The following ADI1 variants were observed in gnomAD, a reference collection of about 807,000 sequenced individuals.
ADI1 encodes acireductone dioxygenase.
Under a neutral mutation model 18.7 loss-of-function variants are expected in ADI1, and 21 were observed. The observed-to-expected ratio is 1.13, with a 90% confidence interval of 0.80 to 1.62. ADI1 has a LOEUF of 1.62. Ranked by LOEUF, ADI1 falls within the 40% of genes most tolerant of loss-of-function variation. ADI1 has a pLI of 0.00. For synonymous variants in ADI1, 90 were observed against 100.1 expected (o/e 0.90, Z 0.60); for missense variants, 245 against 254.9 (o/e 0.96, Z 0.26).
intron 2 of ADI1, among the ~76,000 whole-genome samples, chr2:3,502,428 G>T (rs555468058): frequency 2.5e-4 from 36 of 146,522 alleles, no homozygotes; most frequent in African/African-American, 8.2e-4. Flanking sequence ...CACACAGAAA[G>T]AAAAGACAAA....
intron 2 of ADI1, among the ~76,000 whole-genome samples, chr2:3,508,814 G>A (rs1363962442): frequency 6.6e-6 from 1 of 152,050 alleles, no homozygotes; most frequent in Non-Finnish European, 1.5e-5. Flanking sequence ...TGAGATGGGA[G>A]GATCACTTGA....
chr2:3,508,711 G>A (rs1667230604), intron 2 of ADI1, among the ~76,000 whole-genome samples: 1 of 152,058 alleles, frequency 6.6e-6, no homozygotes, highest in South Asian at 2.1e-4. Context: ...AAAGCAGCCT[G>A]GGCAACATAG....
Position 3,514,550 on chromosome 2 carries a change from C to G in ADI1, c.121-574G>C, listed in dbSNP as rs542214270. Among the ~76,000 whole-genome samples the G allele has an allele frequency of 7.9e-5, 12 of 152,332 alleles. No homozygotes were observed. In the South Asian group the frequency reaches 2.5e-3, roughly 32 times the overall value. On this transcript the variant is annotated intron_variant, in intron 1 of 3. Transcript: ENST00000327435. ...TAAACCAAATAGGATGATCGGCTAT[C>G]TTAAAAATATTTGATATTTCACATC...
At chr2:3,518,865 G>C (rs1667488112) in intron 1 of ADI1, among the ~76,000 whole-genome samples, 1 of 152,220 alleles carries the variant, frequency 6.6e-6, no homozygotes, top group Admixed American at 6.5e-5. Flanking sequence ...GACCCTTCAG[G>C]TCGCTGCCAA....
intron 1 of ADI1, chr2:3,517,646 A>G (rs1204905322): frequency 1.3e-5 from 2 of 152,154 alleles, no homozygotes; most frequent in South Asian, 2.1e-4. Context: ...GCACCTTGTA[A>G]TCCCAGCTAC....
chr2:3,499,753 G>C (rs1365392228), intron 3 of ADI1, among the ~76,000 whole-genome samples: 2 of 152,122 alleles, frequency 1.3e-5, no homozygotes, highest in Non-Finnish European at 2.9e-5. Context: ...TCAGGGCTGA[G>C]GCTTGTAGAC....
chr2:3,506,258 TC>T (rs1353033232), intron 2 of ADI1, among the ~76,000 whole-genome samples: 1 of 152,090 alleles, frequency 6.6e-6, no homozygotes, highest in Non-Finnish European at 1.5e-5. Flanking sequence ...GAAATAAAAC[TC>T]CCTTTGCTCG....
chr2:3,519,527 C>A lies in ADI1; in HGVS notation c.-40G>T, dbSNP rs1458251695. 10 of 1,253,534 alleles carry A rather than the reference C, an allele frequency of 8.0e-6. No individual in the cohort carries two copies. Among genetic ancestry groups the A allele is most frequent in the African/African-American group, 1.5e-5 (1 of 64,644 alleles). 77.7% of individuals were successfully genotyped at this position (1,253,534 alleles called of 1,614,324 possible). A position where few individuals can be genotyped will look rare whatever the true frequency, so the allele number is the denominator to read the frequency against. On this transcript the variant is annotated 5_prime_UTR_variant, in exon 1 of 4. Coordinates refer to ENST00000327435, the MANE Select transcript of ADI1 (RefSeq NM_018269.4). ...GTGCCGTGTTCGAACCCAGGGGCCG[C>A]GCTCGGAGCCCGTCGGCCGCGCTTT...
chr2:3,502,756 G>A (rs1258675339), intron 2 of ADI1, among the ~76,000 whole-genome samples: 2 of 152,110 alleles, frequency 1.3e-5, no homozygotes, highest in Admixed American at 1.3e-4. Flanking sequence ...GGCGACAAAC[G>A]GAAATAACTC....
intron 1 of ADI1, chr2:3,516,778 T>G: frequency 1.0e-6 from 1 of 985,438 alleles, no homozygotes; most frequent in Non-Finnish European, 1.2e-6. Context: ...GACAAAAGGT[T>G]TTTTAGAACT....
intron 1 of ADI1, among the ~76,000 whole-genome samples, chr2:3,519,019 A>G (rs1334200671): frequency 6.8e-6 from 1 of 147,416 alleles, no homozygotes; most frequent in Non-Finnish European, 1.5e-5. Flanking sequence ...TGCGCAGCCC[A>G]CCCCAGGCGC....
At chr2:3,502,476 G>T (rs1370209650) in intron 2 of ADI1, among the ~76,000 whole-genome samples, 1 of 138,634 alleles carries the variant, frequency 7.2e-6, no homozygotes, top group Non-Finnish European at 1.5e-5. Flanking sequence ...TTTTGAGACG[G>T]AATTTCACTC....
chr2:3,502,024 CACACACACACACACACACAG>C (rs988415866), intron 2 of ADI1, among the ~76,000 whole-genome samples: 10 of 102,678 alleles, frequency 9.7e-5, no homozygotes, highest in Middle Eastern at 8.9e-3. Flanking sequence ...CACACACACA[CACACACACACACACACACAG>C]AGACAGGGTT....
chr2:3,514,427 A>C (rs1393969221), intron 1 of ADI1, among the ~76,000 whole-genome samples: 1 of 152,218 alleles, frequency 6.6e-6, no homozygotes, highest in Non-Finnish European at 1.5e-5. Flanking sequence ...AACTCAAGTT[A>C]ATTAAACTGG....
At chr2:3,519,308 G>T in intron 1 of ADI1, 60 bp downstream of exon 1, 1 of 1,341,800 alleles carries the variant, frequency 7.5e-7, no homozygotes, top group Non-Finnish European at 9.5e-7. Context: ...AGGCTGGGCT[G>T]TGCGCGGCGT....
At chr2:3,502,001 C>CCACA (rs70938947) in intron 2 of ADI1, among the ~76,000 whole-genome samples, 1,877 of 104,968 alleles carry the variant, frequency 0.018, 22 homozygotes, top group South Asian at 0.053. Context: ...ACCTCCCGCT[C>CCACA]CACACACACA....
At chr2:3,503,334 C>A (rs940153292) in intron 2 of ADI1, among the ~76,000 whole-genome samples, 1 of 150,918 alleles carries the variant, frequency 6.6e-6, no homozygotes, top group Non-Finnish European at 1.5e-5. Context: ...CACATGCACA[C>A]ATACACACGT....
intron 2 of ADI1, among the ~76,000 whole-genome samples, chr2:3,506,400 A>G (rs1196063790): frequency 2.0e-5 from 3 of 152,360 alleles, no homozygotes; most frequent in Non-Finnish European, 4.4e-5. Flanking sequence ...TTTCCTATAT[A>G]CCAGAAACAC....
rs912425387 is a variant in ADI1 at position 3,497,714 on chromosome 2, C to T, written c.*1249G>A. The T allele has an allele frequency of 6.6e-6, 1 of 152,120 alleles. No individual in the cohort carries two copies. Among genetic ancestry groups the T allele is most frequent in the Non-Finnish European group, 1.5e-5 (1 of 68,026 alleles). The allele number at this position is 152,120 out of a possible 1,614,324, so 9.4% of individuals were successfully genotyped here. A position where few individuals can be genotyped will look rare whatever the true frequency, so the allele number is the denominator to read the frequency against. On this transcript the variant is annotated 3_prime_UTR_variant, in exon 4 of 4. Transcript: ENST00000327435. The stretch of plus-strand genomic sequence containing the variant: ...AGCTCTGAAGTGAAGAAATCCCAGG[C>T]GCCACATCAAGGAGGCGAAACTAGA...
Sources: allele counts gnomAD v4.1 joint callset (sites outside exome capture counted in the v4.1 genomes callset), GRCh38; gene constraint gnomAD v4.1.1; transcripts MANE v1.5; gene names NCBI Gene and HGNC (gene_info 2026-07-23, HGNC 2026-07-21).